BICD2: variants seen among roughly 807,000 people sequenced by gnomAD.
BICD2 encodes protein bicaudal D homolog 2.
BICD2 carries 25 observed loss-of-function variants against 72.9 expected under a neutral mutation model. That is an observed-to-expected ratio of 0.34 (90% CI 0.25 to 0.48). The LOEUF is 0.48. Among genes scored for constraint, BICD2 ranks in the 20% least tolerant of loss-of-function variants. The pLI, the probability that BICD2 is intolerant of heterozygous loss-of-function variation, is 0.99. For missense variants in BICD2, 894 were observed against 1,175.2 expected, an observed-to-expected ratio of 0.76 and a Z score of 3.50; for synonymous variants, 501 against 516.1, an observed-to-expected ratio of 0.97 and a Z score of 0.40.
At chr9:92,719,699 C>A in intron 4 of BICD2, 117 bp from the exon 5 acceptor site, 1 of 1,121,416 alleles carries the variant, frequency 8.9e-7, no homozygotes, top group Non-Finnish European at 1.2e-6. Flanking sequence ...CTGTCAGCCC[C>A]AGGTTCCTTG....
rs1338473700 is a variant in BICD2 at position 92,720,359 on chromosome 9, C to T, written c.1003G>A (p.Asp335Asn). ...LAPPSPSLVS[D>N]LLSELNISEI... ...GAGATGTTGAGCTCACTGAGTAGGT[C>T]GGAGACGAGGCTGGGGGAGGGCGGT... The change falls in exon 4 of 7, where the codon GAC (aspartate) becomes AAC (asparagine). Residue 335 changes from aspartate (D) to asparagine (N), a missense_variant. Coordinates refer to ENST00000356884, the MANE Select transcript of BICD2 (RefSeq NM_001003800.2). The surrounding 1 kb of genome is among the most constrained non-coding windows in gnomAD (Gnocchi z 5.4). 5.0e-6 allele frequency: 8 copies of T among 1,613,870 alleles called. No homozygotes were observed. Among genetic ancestry groups the T allele is most frequent in the Non-Finnish European group, 6.8e-6 (8 of 1,180,002 alleles).
In BICD2 at chr9:92,758,649, G is replaced by A. The variant is rs182550336; in HGVS notation, c.240+5856C>T. 1.9e-3 allele frequency among the ~76,000 whole-genome samples: 286 copies of A among 150,834 alleles called. 2 individuals carry two copies. The highest frequency in any genetic ancestry group is 6.6e-3 in the African/African-American group (271 of 41,002). On this transcript the variant is annotated intron_variant, in intron 1 of 6. Transcript: ENST00000356884. ...GCGGATCACCTGAGGTCAGGAGTTC[G>A]AGACCAGCCTGACCAACATGGAGAA...
At chr9:92,736,752 G>A (rs1853795767) in intron 1 of BICD2, among the ~76,000 whole-genome samples, 2 of 152,178 alleles carry the variant, frequency 1.3e-5, no homozygotes, top group South Asian at 4.1e-4. Flanking sequence ...CTCGAACTGA[G>A]CACACCCTGT....
In BICD2 at chr9:92,719,345, T is replaced by C. The variant is rs1299463722; in HGVS notation, c.1300A>G (p.Ile434Val). The change falls in exon 5 of 7, where the codon ATC (isoleucine) becomes GTC (valine). Residue 434 changes from isoleucine (I) to valine (V), a missense_variant. By Grantham distance (29) the Ile-to-Val change is conservative. Around this residue, in one of 5 missense-constraint regions of BICD2, gnomAD observed 371 missense variants for 439.1 expected, o/e 0.84. Transcript: ENST00000356884. The part of the protein sequence containing the change: ...YYEVDINGPE[I>V]LACKYHVAVA... ...GCCACATGGTACTTGCAGGCCAAGA[T>C]CTCAGGCCCGTTGATGTCCACCTCG... The C allele has an allele frequency of 6.2e-7, 1 of 1,614,164 alleles. No individual in the cohort carries two copies. The highest frequency in any genetic ancestry group is 8.5e-7 in the Non-Finnish European group (1 of 1,180,020).
chr9:92,722,180 G>A (rs1010830414), intron 3 of BICD2, among the ~76,000 whole-genome samples: 4 of 152,176 alleles, frequency 2.6e-5, no homozygotes, highest in Admixed American at 2.0e-4. Flanking sequence ...CTCTGTCACA[G>A]GCAGAGACCC....
At chr9:92,717,710 A>C in intron 6 of BICD2, 87 bp downstream of exon 6, 3 of 1,459,108 alleles carry the variant, frequency 2.1e-6, no homozygotes, top group Non-Finnish European at 1.8e-6. Context: ...CCTCAGCATG[A>C]GGCAGTGAGA....
chr9:92,753,106 T>C (rs1424730694), intron 1 of BICD2, among the ~76,000 whole-genome samples: 1 of 152,108 alleles, frequency 6.6e-6, no homozygotes. Flanking sequence ...ATAATCCCAA[T>C]CTAACCACGA....
intron 2 of BICD2, among the ~76,000 whole-genome samples, chr9:92,726,978 G>A (rs1044174685): frequency 2.0e-5 from 3 of 152,176 alleles, no homozygotes; most frequent in Non-Finnish European, 4.4e-5. Flanking sequence ...ACCTGCACAC[G>A]CTTTTCAGGA....
In BICD2 at chr9:92,720,466, A is replaced by C; in HGVS notation, c.896T>G (p.Leu299Arg). ...GCCGCCGTGCTCAAAGCCATTGACC[A>C]GGGCCTCGGCATCGTTGTTGGGCTC... ...AAEPNNDAEA[L>R]VNGFEHGGLA... is the part of the protein sequence containing the mutation. Residue 299 changes from leucine to arginine, a missense_variant, in exon 4 of 7, where the codon CTG becomes CGG. This residue lies in a region of BICD2 where 371 missense variants were observed against 439.1 expected (regional missense o/e 0.84). Coordinates refer to ENST00000356884, the MANE Select transcript of BICD2 (RefSeq NM_001003800.2). This position sits in a 1 kb window ranked among gnomAD's most constrained non-coding sequence, Gnocchi z 5.4. The C allele has an allele frequency of 6.2e-7, 1 of 1,614,188 alleles. No homozygotes were observed. The highest frequency in any genetic ancestry group is 1.1e-5 in the South Asian group (1 of 91,084).
At chr9:92,722,290 ACAGG>A (rs1354704558) in intron 3 of BICD2, among the ~76,000 whole-genome samples, 3 of 152,222 alleles carry the variant, frequency 2.0e-5, no homozygotes, top group Admixed American at 6.5e-5. Flanking sequence ...TGTCCCTGTC[ACAGG>A]CAGAGACACA....
intron 1 of BICD2, among the ~76,000 whole-genome samples, chr9:92,751,780 T>A (rs1854155005): frequency 6.6e-6 from 1 of 151,688 alleles, no homozygotes; most frequent in Admixed American, 6.6e-5. Context: ...CATATGTATA[T>A]ACATGGGTTA....
chr9:92,725,749 G>A (rs1032316250), intron 2 of BICD2, among the ~76,000 whole-genome samples: 1 of 152,262 alleles, frequency 6.6e-6, no homozygotes, highest in Admixed American at 6.5e-5. Flanking sequence ...CACTGTGCAG[G>A]GGGTCGGCTG....
intron 1 of BICD2, among the ~76,000 whole-genome samples, chr9:92,760,644 T>C (rs1391355032): frequency 6.6e-6 from 1 of 152,208 alleles, no homozygotes; most frequent in African/African-American, 2.4e-5. Flanking sequence ...TGTAGCCACA[T>C]GGTCATCATC....
rs922315964 is a variant in BICD2, at chr9:92,725,555, T to G, written c.454-2747A>C. Among the ~76,000 whole-genome samples, 7 of 152,352 alleles carry G rather than the reference T, an allele frequency of 4.6e-5. No homozygotes were observed. The South Asian group carries it at 1.5e-3, about 32-fold the overall frequency. On this transcript the variant is annotated intron_variant, in intron 2 of 6. Transcript: ENST00000356884. ...CTTCTCCCAGTGAGCCTGTCTGATG[T>G]CAGCCCAAAGAAGTACAGGGGACAA...
rs143003713 is a variant in BICD2, at chr9:92,751,891, G to A, written c.240+12614C>T. On this transcript the variant is annotated intron_variant, in intron 1 of 6. Coordinates refer to ENST00000356884, the MANE Select transcript of BICD2 (RefSeq NM_001003800.2). ...GCGATCTTGGCACACTGCAACCTCC[G>A]CCTCCTGGGTTCAAGTAATTCTCCT... Among the ~76,000 whole-genome samples, 591 of 149,430 alleles carry A rather than the reference G, an allele frequency of 4.0e-3. 3 individuals carry two copies. Among genetic ancestry groups the A allele is most frequent in the Non-Finnish European group, 5.4e-3 (363 of 67,718 alleles).
intron 3 of BICD2, among the ~76,000 whole-genome samples, chr9:92,721,740 G>A (rs1853468456): frequency 6.6e-6 from 1 of 152,226 alleles, no homozygotes; most frequent in Non-Finnish European, 1.5e-5. Context: ...CCTGAGGACA[G>A]GGTCGCCTCA....
chr9:92,720,214 C>T lies in BICD2; in HGVS notation c.1062+86G>A. On this transcript the variant is annotated intron_variant, in intron 4 of 6. Coordinates refer to ENST00000356884, the MANE Select transcript of BICD2 (RefSeq NM_001003800.2). The surrounding 1 kb of genome is among the most constrained non-coding windows in gnomAD (Gnocchi z 5.4). ...CGTAAGGAAAAGGGAAAGTTAACAT[C>T]AGCAGAGTGTCAGGTAAGCACTGCT... The T allele has an allele frequency of 7.7e-7, 1 of 1,293,914 alleles. No homozygotes were observed. Among genetic ancestry groups the T allele is most frequent in the South Asian group, 1.5e-5 (1 of 67,948 alleles). 80.2% of individuals were successfully genotyped at this position (1,293,914 alleles called of 1,614,324 possible). A position where few individuals can be genotyped will look rare whatever the true frequency, so the allele number is the denominator to read the frequency against.
At chr9:92,745,710 C>A (rs1372786029) in intron 1 of BICD2, among the ~76,000 whole-genome samples, 1 of 152,232 alleles carries the variant, frequency 6.6e-6, no homozygotes, top group Non-Finnish European at 1.5e-5. Flanking sequence ...GCTTCTCTCA[C>A]AGGAGGTATT....
At position 92,729,076 on chromosome 9, in the gene BICD2, T is replaced by A; in HGVS notation, c.401A>T (p.Asn134Ile). 6.2e-7 allele frequency: 1 copy of A among 1,614,242 alleles called. No homozygotes were observed. The highest frequency in any genetic ancestry group is 8.5e-7 in the Non-Finnish European group (1 of 1,180,042). The stretch of plus-strand genomic sequence containing the variant: ...CAGGCGCTCATTCTCCGACTGCGTG[T>A]TGGTGAGGACATTGCGCAACTGCTT... ...ELKQLRNVLT[N>I]TQSENERLAS... Residue 134 changes from asparagine to isoleucine, a missense_variant, in exon 2 of 7, where the codon AAC becomes ATC. Physicochemically the swap from Asn to Ile is moderately radical, Grantham distance 149. Coordinates refer to ENST00000356884, the MANE Select transcript of BICD2 (RefSeq NM_001003800.2).
Sources: gnomAD v4.1 joint callset for allele counts (sites outside exome capture counted in the v4.1 genomes callset) on GRCh38, gnomAD v4.1.1 for gene constraint, gnomAD v4.1.1 regional missense constraint, Gnocchi (gnomAD v3.1) non-coding constraint, MANE v1.5 for transcripts, NCBI Gene and HGNC (gene_info 2026-07-23, HGNC 2026-07-21) for gene names.